NAGPA: variants seen among roughly 807,000 people sequenced by gnomAD.
NAGPA encodes the protein alpha-N-acetylglucosaminyl phosphodiesterase.
Under a neutral mutation model 48.5 loss-of-function variants are expected in NAGPA, and 56 were observed. That is an observed-to-expected ratio of 1.15 (90% CI 0.93 to 1.44). NAGPA has a LOEUF of 1.44. Among genes scored for constraint, NAGPA ranks in the 40% most tolerant of loss-of-function variants. The pLI, the probability that NAGPA is intolerant of heterozygous loss-of-function variation, is 0.00. For synonymous variants in NAGPA, 399 were observed against 315.5 expected, an observed-to-expected ratio of 1.26 and a Z score of -2.81; for missense variants, 888 against 735.0, an observed-to-expected ratio of 1.21 and a Z score of -2.41.
intron 2 of NAGPA, among the ~76,000 whole-genome samples, chr16:5,032,224 C>T (rs749779462): frequency 2.0e-4 from 31 of 152,296 alleles, no homozygotes; most frequent in South Asian, 4.1e-4. Context: ...ATCCCTGTTA[C>T]GGCCCTTCAT....
intron 4 of NAGPA, chr16:5,029,297 C>T (rs1956061238): frequency 2.2e-6 from 1 of 454,274 alleles, no homozygotes; most frequent in Admixed American, 3.4e-5. Context: ...AGAGCCTTCT[C>T]TGGCTGGTGA....
In NAGPA at chr16:5,028,472, C is replaced by T. The variant is rs114905588; in HGVS notation, c.921-287G>A. ...CTGGTCTTAAACTCCTGGGCCCAAGCGAACCTCCCACCTCGGCCTCCCAAA... is the reference window on the plus strand; with the variant it reads ...CTGGTCTTAAACTCCTGGGCCCAAGTGAACCTCCCACCTCGGCCTCCCAAA... On this transcript the variant is annotated intron_variant, in intron 5 of 9. Transcript: ENST00000312251. 2,385 of 665,690 alleles carry T rather than the reference C, an allele frequency of 3.6e-3. 35 individuals carry two copies. In the African/African-American group the frequency reaches 0.036, roughly 10 times the overall value. The allele number at this position is 665,690 out of a possible 1,614,324, so 41.2% of individuals were successfully genotyped here. A position where few individuals can be genotyped will look rare whatever the true frequency, so the allele number is the denominator to read the frequency against.
At chr16:5,027,640 G>A (rs1596661038) in intron 7 of NAGPA, among the ~76,000 whole-genome samples, 1 of 152,204 alleles carries the variant, frequency 6.6e-6, no homozygotes, top group Admixed American at 6.5e-5. Flanking sequence ...CCAGAGCCCG[G>A]GGACCCTTGT....
rs1297382731 is a variant in NAGPA at position 5,033,159 on chromosome 16, C to T, written c.542+114G>A. 1 of 1,227,200 alleles carries T rather than the reference C, an allele frequency of 8.1e-7. No homozygotes were observed. Among genetic ancestry groups the T allele is most frequent in the Non-Finnish European group, 1.1e-6 (1 of 869,912 alleles). 76.0% of individuals were successfully genotyped at this position (1,227,200 alleles called of 1,614,324 possible). A position where few individuals can be genotyped will look rare whatever the true frequency, so the allele number is the denominator to read the frequency against. ...GGAAGCGATTCCTATCCCCATTCTG[C>T]AGAGGAGGAAACAGGGGCTCAGCTT... On this transcript the variant is annotated intron_variant, in intron 2 of 9. Coordinates refer to ENST00000312251, the MANE Select transcript of NAGPA (RefSeq NM_016256.4). This position sits in a 1 kb window ranked among gnomAD's most constrained non-coding sequence, Gnocchi z 4.2.
At chr16:5,031,514 T>G (rs1012497332) in intron 3 of NAGPA, 9 of 567,944 alleles carry the variant, frequency 1.6e-5, no homozygotes, top group Non-Finnish European at 2.5e-5. Context: ...TCCCCTAACT[T>G]TATTTTTGTT....
intron 2 of NAGPA, chr16:5,032,855 A>C: frequency 4.3e-6 from 1 of 233,690 alleles, no homozygotes; most frequent in Non-Finnish European, 8.4e-6. Flanking sequence ...TTCATCTTCA[A>C]GTTCCCACTC....
Position 5,027,295 on chromosome 16 carries a change from T to C in NAGPA, c.1259A>G (p.Asn420Ser). The change falls in exon 8 of 10, where the codon AAC (asparagine) becomes AGC (serine). Residue 420 changes from asparagine (N) to serine (S), a missense_variant. Coordinates refer to ENST00000312251, the MANE Select transcript of NAGPA (RefSeq NM_016256.4). ...ATAGGTACCTCTGGAGACGCTGCAG[T>C]TGCCAGTCTTGGGGTCACAGGGACA... ...HHCPCDPKTG[N>S]CSVSRVKQCL... The C allele has an allele frequency of 6.2e-7, 1 of 1,614,206 alleles. No individual in the cohort carries two copies. The highest frequency in any genetic ancestry group is 8.5e-7 in the Non-Finnish European group (1 of 1,180,032).
At chr16:5,030,059 A>G in intron 4 of NAGPA, 1 of 475,712 alleles carries the variant, frequency 2.1e-6, no homozygotes, top group East Asian at 4.1e-5. Flanking sequence ...GGACTTGTCT[A>G]CGGCATAGGT....
chr16:5,025,960 G>A (rs945286089), intron 9 of NAGPA, among the ~76,000 whole-genome samples: 4 of 146,058 alleles, frequency 2.7e-5, no homozygotes, highest in Admixed American at 7.0e-5. Context: ...ACAGAGTCTC[G>A]CCCTGTCATC....
At chr16:5,028,797 C>A in intron 5 of NAGPA, 83 bp downstream of exon 5, 5 of 1,605,930 alleles carry the variant, frequency 3.1e-6, no homozygotes, top group Non-Finnish European at 4.3e-6. Flanking sequence ...TGGCACATAG[C>A]AGGCACTCAA....
Position 5,027,371 on chromosome 16 carries a change from G to C in NAGPA, c.1183C>G (p.Leu395Val). ...TGSNCSEECP[L>V]GWHGPGCQRP... ...TGGCAGCCCGGCCCATGCCAGCCAA[G>C]GGGACACTCTATGGAAAGGAGATGG... is the stretch of plus-strand genomic sequence containing the variant. Residue 395 changes from leucine to valine, a missense_variant, in exon 8 of 10, where the codon CTT becomes GTT. By Grantham distance (32) the Leu-to-Val change is conservative (BLOSUM62 1). Coordinates refer to ENST00000312251, the MANE Select transcript of NAGPA (RefSeq NM_016256.4). 1 of 1,612,898 alleles carries C rather than the reference G, an allele frequency of 6.2e-7. No individual in the cohort carries two copies. Among genetic ancestry groups the C allele is most frequent in the Non-Finnish European group, 8.5e-7 (1 of 1,179,682 alleles).
chr16:5,028,046 C>A lies in NAGPA; in HGVS notation c.1060G>T (p.Gly354Cys). The A allele has an allele frequency of 6.2e-7, 1 of 1,613,840 alleles. No homozygotes were observed. Among genetic ancestry groups the A allele is most frequent in the East Asian group, 2.2e-5 (1 of 44,856 alleles). The change falls in exon 6 of 10, where the codon GGT becomes TGT. Residue 354 changes from glycine to cysteine, a missense_variant. Gly to Cys is a radical substitution (Grantham distance 159, BLOSUM62 -3). Coordinates refer to ENST00000312251, the MANE Select transcript of NAGPA (RefSeq NM_016256.4). ...CAGTCCAGCTCATCACAGCCGGGAC[C>A]CCGCCAGAAGTGCCCGGTGCATTGG... is the stretch of plus-strand genomic sequence containing the variant. ...HCQCTGHFWR[G>C]PGCDELDCGP...
rs765383118 is a variant in NAGPA at position 5,031,825 on chromosome 16, C to G, written c.602G>C (p.Gly201Ala). 71 of 1,614,058 alleles carry G rather than the reference C, an allele frequency of 4.4e-5. No individual in the cohort carries two copies. Among genetic ancestry groups the G allele is most frequent in the Admixed American group, 3.0e-4 (18 of 59,990 alleles). Residue 201 changes from glycine to alanine, a missense_variant, in exon 3 of 10, where the codon GGG becomes GCG. Coordinates refer to ENST00000312251, the MANE Select transcript of NAGPA (RefSeq NM_016256.4). Reference sequence around the variant, plus strand: ...TCCATTACGAATCAGCCACACGACCCCACTCAGCAGCTGCACAAATGGGTT... The same window carrying G: ...TCCATTACGAATCAGCCACACGACCGCACTCAGCAGCTGCACAAATGGGTT... ...TENPFVQLLS[G>A]VVWLIRNGSI...
Position 5,031,998 on chromosome 16 carries a change from G to A in NAGPA, c.543-114C>T, listed in dbSNP as rs1956108532. On this transcript the variant is annotated intron_variant, in intron 2 of 9. Coordinates refer to ENST00000312251, the MANE Select transcript of NAGPA (RefSeq NM_016256.4). The stretch of plus-strand genomic sequence containing the variant: ...TGCTAGATTCCCCCTCATGCCCCAG[G>A]AACCTCCTGGGGCCTGAGTGTAGCT... The A allele has an allele frequency of 2.7e-5, 38 of 1,428,176 alleles. No individual in the cohort carries two copies. The South Asian group carries it at 3.8e-4, about 14-fold the overall frequency. The allele number at this position is 1,428,176 out of a possible 1,614,324, so 88.5% of individuals were successfully genotyped here. A position where few individuals can be genotyped will look rare whatever the true frequency, so the allele number is the denominator to read the frequency against.
chr16:5,029,751 C>T (rs1164070503), intron 4 of NAGPA: 1 of 159,296 alleles, frequency 6.3e-6, no homozygotes, highest in East Asian at 1.9e-4. Context: ...TGATGAAACC[C>T]CATCTCTACT....
Position 5,033,347 on chromosome 16 carries a change from C to G in NAGPA, c.468G>C (p.Glu156Asp), listed in dbSNP as rs2142570924. The G allele has an allele frequency of 6.3e-7, 1 of 1,598,056 alleles. No individual in the cohort carries two copies. The highest frequency in any genetic ancestry group is 8.5e-7 in the Non-Finnish European group (1 of 1,179,618). The part of the protein sequence containing the change: ...GECLGNVVSD[E>D]RRVSSSGGLQ... The stretch of plus-strand genomic sequence containing the variant: ...GCCCCCCGGAGCTGCTCACCCGCCG[C>G]TCGTCGCTCACCACGTTCCCCAGGC... Residue 156 changes from glutamate to aspartate, a missense_variant, in exon 2 of 10, where the codon GAG becomes GAC. Coordinates refer to ENST00000312251, the MANE Select transcript of NAGPA (RefSeq NM_016256.4). This position sits in a 1 kb window ranked among gnomAD's most constrained non-coding sequence, Gnocchi z 4.2.
chr16:5,033,446 C>T lies in NAGPA; in HGVS notation c.369G>A (p.Val123=), dbSNP rs1049710574. Residue 123 remains valine, a synonymous_variant, in exon 2 of 10, where the codon GTG becomes GTA. Transcript: ENST00000312251. This position sits in a 1 kb window ranked among gnomAD's most constrained non-coding sequence, Gnocchi z 4.2. ...AGTCGGCCGCCCGCGCCGTCTCCTC[C>T]ACGGTGGCGCGTCGTCTCGCCGCGC... ...GGCAARRRAT[V]EETARAADCR... 1 of 1,589,942 alleles carries T rather than the reference C, an allele frequency of 6.3e-7. No homozygotes were observed. Among genetic ancestry groups the T allele is most frequent in the Non-Finnish European group, 8.5e-7 (1 of 1,176,042 alleles).
intron 7 of NAGPA, 135 bp from the exon 8 acceptor site, chr16:5,027,514 T>C: frequency 1.1e-6 from 1 of 931,294 alleles, no homozygotes; most frequent in South Asian, 1.5e-5. Flanking sequence ...AAGCACCCCC[T>C]GCCCTCCCTG....
Position 5,029,101 on chromosome 16 carries a change from C to T in NAGPA, c.792-93G>A, listed in dbSNP as rs1956057928. 2.5e-6 allele frequency: 4 copies of T among 1,589,900 alleles called. No homozygotes were observed. The East Asian group carries it at 8.9e-5, about 36-fold the overall frequency. ...TCCACAGTGCAGAGCATCACGCCCA[C>T]AGTGCAGGCACATTTCTAAGTGGCC... On this transcript the variant is annotated intron_variant, in intron 4 of 9. Coordinates refer to ENST00000312251, the MANE Select transcript of NAGPA (RefSeq NM_016256.4).
Sources: gnomAD v4.1 joint callset for allele counts (sites outside exome capture counted in the v4.1 genomes callset) on GRCh38, gnomAD v4.1.1 for gene constraint, Gnocchi (gnomAD v3.1) non-coding constraint, MANE v1.5 for transcripts, NCBI Gene and HGNC (gene_info 2026-07-23, HGNC 2026-07-21) for gene names.